The following WRAP73 variants were observed in gnomAD, a reference collection of about 807,000 sequenced individuals.
The protein encoded by WRAP73 is WD repeat-containing protein WRAP73.
WRAP73 carries 55 observed loss-of-function variants against 59.6 expected under a neutral mutation model. The observed-to-expected ratio is 0.92, with a 90% CI of 0.74 to 1.15. WRAP73 has a LOEUF of 1.15. WRAP73 is among the 50% of genes most tolerant of loss of function. WRAP73 has a pLI of 0.00. For missense variants in WRAP73, 592 were observed against 608.1 expected, an observed-to-expected ratio of 0.97 and a Z score of 0.28; for synonymous variants, 265 against 258.2, an observed-to-expected ratio of 1.03 and a Z score of -0.25.
In WRAP73 at chr1:3,646,877, G is replaced by C. The variant is rs536150306; in HGVS notation, c.223-95C>G. On this transcript the variant is annotated intron_variant, in intron 2 of 11. Coordinates refer to ENST00000270708, the MANE Select transcript of WRAP73 (RefSeq NM_017818.4). This position sits in a 1 kb window ranked among gnomAD's most constrained non-coding sequence, Gnocchi z 5.1. ...GCTTAAACGCAGCGGAGACCCGACC[G>C]CACAGGGTGTCTTCAAACTCATCAG... 21 of 1,017,478 alleles carry C rather than the reference G, an allele frequency of 2.1e-5. No individual in the cohort carries two copies. The Admixed American group carries it at 4.4e-4, about 22-fold the overall frequency. The allele number at this position is 1,017,478 out of a possible 1,614,324, so 63.0% of individuals were successfully genotyped here. A position where few individuals can be genotyped will look rare whatever the true frequency, so the allele number is the denominator to read the frequency against.
At chr1:3,649,783 G>C in intron 1 of WRAP73, 148 bp downstream of exon 1, 1 of 779,978 alleles carries the variant, frequency 1.3e-6, no homozygotes, top group Non-Finnish European at 2.0e-6. Flanking sequence ...ACCTGCCCCG[G>C]GTACCTGCCC....
At position 3,646,918 on chromosome 1, in the gene WRAP73, C is replaced by A. The variant is rs564640011; in HGVS notation, c.223-136G>T. On this transcript the variant is annotated intron_variant, in intron 2 of 11. Coordinates refer to ENST00000270708, the MANE Select transcript of WRAP73 (RefSeq NM_017818.4). This position sits in a 1 kb window ranked among gnomAD's most constrained non-coding sequence, Gnocchi z 5.1. Reference sequence around the variant, plus strand: ...AACTCATCAGCAGTCTATAGCGAGGCCTCGCCGAGAGACAACTCCCTTAAA... The same window carrying A: ...AACTCATCAGCAGTCTATAGCGAGGACTCGCCGAGAGACAACTCCCTTAAA... 4.4e-5 allele frequency: 29 copies of A among 663,954 alleles called. No homozygotes were observed. The highest frequency in any genetic ancestry group is 4.1e-4 in the South Asian group (22 of 53,898). The allele number at this position is 663,954 out of a possible 1,614,324, so 41.1% of individuals were successfully genotyped here.
chr1:3,632,734 G>C, intron 9 of WRAP73: 1 of 293,218 alleles, frequency 3.4e-6, no homozygotes, highest in Non-Finnish European at 6.6e-6. Context: ...AGACTTTCCG[G>C]CTGTGGAAGA....
chr1:3,649,179 T>C (rs187758998), intron 1 of WRAP73, among the ~76,000 whole-genome samples: 15 of 152,368 alleles, frequency 9.8e-5, no homozygotes, highest in Admixed American at 6.5e-4. Flanking sequence ...TATACACTAC[T>C]AGGCATCCAG....
chr1:3,635,607 A>G, intron 6 of WRAP73: 1 of 487,452 alleles, frequency 2.1e-6, no homozygotes, highest in Non-Finnish European at 3.7e-6. Context: ...GATCACTTGA[A>G]CACAGAAGTT....
At chr1:3,649,059 G>A (rs995925421) in intron 1 of WRAP73, among the ~76,000 whole-genome samples, 2 of 152,176 alleles carry the variant, frequency 1.3e-5, no homozygotes, top group African/African-American at 4.8e-5. Flanking sequence ...GGAAAACGAA[G>A]CCCACTTTTT....
intron 6 of WRAP73, chr1:3,635,729 G>A (rs1338202827): frequency 1.8e-6 from 1 of 547,070 alleles, no homozygotes; most frequent in Non-Finnish European, 3.2e-6. Flanking sequence ...GCTGAGGTAG[G>A]AGGATCACTT....
chr1:3,632,784 C>T lies in WRAP73; in HGVS notation c.923-446G>A, dbSNP rs1010368749. 11 of 251,810 alleles carry T rather than the reference C, an allele frequency of 4.4e-5. 1 individual carries two copies. Among genetic ancestry groups the T allele is most frequent in the African/African-American group, 1.6e-4 (7 of 43,392 alleles). The allele number at this position is 251,810 out of a possible 1,614,324, so 15.6% of individuals were successfully genotyped here. A position where few individuals can be genotyped will look rare whatever the true frequency, so the allele number is the denominator to read the frequency against. The stretch of plus-strand genomic sequence containing the variant: ...AGAAGCAGGGGCTGTGGAACAAGGA[C>T]GCCCCTGGGCTCCTGGGGAGCGCCT... On this transcript the variant is annotated intron_variant, in intron 9 of 11. Coordinates refer to ENST00000270708, the MANE Select transcript of WRAP73 (RefSeq NM_017818.4).
In WRAP73 at chr1:3,631,004, C is replaced by T; in HGVS notation, c.1354G>A (p.Ala452Thr). 1 of 1,613,036 alleles carries T rather than the reference C, an allele frequency of 6.2e-7. No homozygotes were observed. The highest frequency in any genetic ancestry group is 8.5e-7 in the Non-Finnish European group (1 of 1,179,990). The change falls in exon 12 of 12, where the codon GCC becomes ACC. Residue 452 changes from alanine (A) to threonine (T), a missense_variant. By Grantham distance (58) the Ala-to-Thr change is moderately conservative. Transcript: ENST00000270708. The stretch of plus-strand genomic sequence containing the variant: ...GTGTGGCCGCCCAGCTGTCTGCAGG[C>T]TGTGCCGACCACTGCCTCTGTCTCC... ...FLETEAVVGT[A>T]CRQLGGHT
chr1:3,646,540 T>G lies in WRAP73; in HGVS notation c.339+126A>C. The G allele has an allele frequency of 1.4e-6, 1 of 708,990 alleles. No homozygotes were observed. The highest frequency in any genetic ancestry group is 2.4e-6 in the Non-Finnish European group (1 of 421,798). The allele number at this position is 708,990 out of a possible 1,614,324, so 43.9% of individuals were successfully genotyped here. ...TCTGAATCCCCTGGTGGTCTTAGAA[T>G]GCATCCCCTGAGGATAAGGGGAGAC... On this transcript the variant is annotated intron_variant, in intron 3 of 11. Coordinates refer to ENST00000270708, the MANE Select transcript of WRAP73 (RefSeq NM_017818.4). The surrounding 1 kb of genome is among the most constrained non-coding windows in gnomAD (Gnocchi z 5.1).
intron 4 of WRAP73, 57 bp downstream of exon 4, chr1:3,638,693 A>G (rs1570301265): frequency 4.4e-6 from 7 of 1,601,516 alleles, no homozygotes; most frequent in Non-Finnish European, 6.0e-6. Context: ...ACTTCCCGTG[A>G]CAAAAAAGTC....
chr1:3,640,674 G>A (rs571231568), intron 3 of WRAP73, among the ~76,000 whole-genome samples: 1 of 151,362 alleles, frequency 6.6e-6, no homozygotes, highest in South Asian at 2.1e-4. Flanking sequence ...TGGAGCGCCC[G>A]AGCATCTCAG....
At chr1:3,637,176 G>A in intron 4 of WRAP73, 78 bp from the exon 5 acceptor site, 1 of 1,227,078 alleles carries the variant, frequency 8.1e-7, no homozygotes, top group Admixed American at 2.0e-5. Flanking sequence ...AATTCACAAG[G>A]AAGGAGGAGG....
intron 4 of WRAP73, among the ~76,000 whole-genome samples, chr1:3,638,005 T>C (rs540218144): frequency 1.3e-5 from 2 of 152,208 alleles, no homozygotes; most frequent in Admixed American, 6.5e-5. Flanking sequence ...TCAAGAGATA[T>C]GTATCTCATC....
chr1:3,633,407 C>T lies in WRAP73; in HGVS notation c.913G>A (p.Glu305Lys). ...CACATGTGCTACTTACATTTACTCT[C>T]TGAGCTCGGGAGAGGGCCGGCCCCG... ...RAGAGPLPSS[E>K]SKYEIASVPV... is the part of the protein sequence containing the mutation. The change falls in exon 9 of 12, where the codon GAG becomes AAG. Residue 305 changes from glutamate (E) to lysine (K), a missense_variant. Glu to Lys is a moderately conservative substitution (Grantham distance 56). Coordinates refer to ENST00000270708, the MANE Select transcript of WRAP73 (RefSeq NM_017818.4). The T allele has an allele frequency of 1.2e-6, 2 of 1,612,874 alleles. No homozygotes were observed. Among genetic ancestry groups the T allele is most frequent in the Non-Finnish European group, 1.7e-6 (2 of 1,179,884 alleles).
At chr1:3,648,938 T>TA (rs1326058409) in intron 1 of WRAP73, among the ~76,000 whole-genome samples, 1 of 152,202 alleles carries the variant, frequency 6.6e-6, no homozygotes, top group Non-Finnish European at 1.5e-5. Context: ...GTAAAAAACG[T>TA]AATTTGAGAG....
rs1249635529 is a variant in WRAP73 at position 3,647,487 on chromosome 1, A to G, written c.143T>C (p.Leu48Pro). The change falls in exon 2 of 12, where the codon CTA becomes CCA. Residue 48 changes from leucine to proline, a missense_variant. Transcript: ENST00000270708. ...CCACTCGATGTGCTGGATCTGGTCTAGGCACGTGTACAGCTGAAGGATCTG... is the reference window on the plus strand; with the variant it reads ...CCACTCGATGTGCTGGATCTGGTCTGGGCACGTGTACAGCTGAAGGATCTG... ...TLQILQLYTC[L>P]DQIQHIEWSA... 3 of 1,613,924 alleles carry G rather than the reference A, an allele frequency of 1.9e-6. No individual in the cohort carries two copies. Among genetic ancestry groups the G allele is most frequent in the Non-Finnish European group, 2.5e-6 (3 of 1,179,962 alleles).
intron 5 of WRAP73, 25 bp from the exon 6 acceptor site, chr1:3,636,055 T>C (rs1273886442): frequency 1.3e-6 from 2 of 1,557,104 alleles, no homozygotes; most frequent in Admixed American, 3.4e-5. Flanking sequence ...GGGGGAAACA[T>C]TAAATTTGGA....
intron 4 of WRAP73, 95 bp downstream of exon 4, chr1:3,638,655 C>T: frequency 7.2e-7 from 1 of 1,387,160 alleles, no homozygotes; most frequent in South Asian, 1.2e-5. Flanking sequence ...TGTTGATATG[C>T]TGCTGAAGCT....
Sources: allele counts gnomAD v4.1 joint callset (sites outside exome capture counted in the v4.1 genomes callset), GRCh38; gene constraint gnomAD v4.1.1; non-coding constraint Gnocchi (gnomAD v3.1); transcripts MANE v1.5; gene names NCBI Gene and HGNC (gene_info 2026-07-23, HGNC 2026-07-21).